SYT12: variants seen among roughly 807,000 people sequenced by gnomAD.
SYT12 encodes the protein synaptotagmin 12.
Under a neutral mutation model 39.5 loss-of-function variants are expected in SYT12, and 27 were observed. The observed-to-expected ratio is 0.68, with a 90% CI of 0.50 to 0.94. SYT12 has a LOEUF of 0.94. Ranked by LOEUF, SYT12 falls within the 40% of genes least tolerant of loss-of-function variation. SYT12 has a pLI of 0.00. For synonymous variants in SYT12, 233 were observed against 239.7 expected (o/e 0.97, Z 0.26); for missense variants, 536 against 572.6 (o/e 0.94, Z 0.65).
intron 3 of SYT12, among the ~76,000 whole-genome samples, chr11:67,013,282 A>G (rs958465969): frequency 2.0e-5 from 3 of 151,994 alleles, no homozygotes; most frequent in African/African-American, 7.2e-5. Context: ...ACTCGGGGTC[A>G]TTTTCACTGT....
intron 3 of SYT12, among the ~76,000 whole-genome samples, chr11:67,037,962 G>A (rs1045700405): frequency 3.3e-5 from 5 of 150,942 alleles, no homozygotes; most frequent in Non-Finnish European, 5.9e-5. Flanking sequence ...GAGTGAGGGG[G>A]GAGGATCGCT....
chr11:67,033,617 C>T (rs942244782), intron 2 of SYT12, among the ~76,000 whole-genome samples: 7 of 152,234 alleles, frequency 4.6e-5, no homozygotes, highest in Admixed American at 2.6e-4. Flanking sequence ...AGCACCACCC[C>T]TTCTGGGCTC....
At chr11:67,043,489 C>T (rs1042085906) in intron 4 of SYT12, 149 bp from the exon 5 acceptor site, 1 of 748,224 alleles carries the variant, frequency 1.3e-6, no homozygotes, top group Non-Finnish European at 2.2e-6. Context: ...ACCTTCAAGG[C>T]TGAGCCACCA....
In SYT12 at chr11:67,048,902, G is replaced by C. The variant is rs1212709083; in HGVS notation, c.*145G>C. ...CCTCATGACCCATCCTGGTCTCTCTGTCCAGATTGCAGCAGAGGAGTGGGC... is the reference window on the plus strand; with the variant it reads ...CCTCATGACCCATCCTGGTCTCTCTCTCCAGATTGCAGCAGAGGAGTGGGC... On this transcript the variant is annotated 3_prime_UTR_variant, in exon 8 of 8. Coordinates refer to ENST00000527043, the MANE Select transcript of SYT12 (RefSeq NM_177963.4). 4.2e-6 allele frequency: 4 copies of C among 958,524 alleles called. No individual in the cohort carries two copies. In the East Asian group the frequency reaches 1.1e-4, roughly 26 times the overall value. 59.4% of individuals were successfully genotyped at this position (958,524 alleles called of 1,614,324 possible). A position where few individuals can be genotyped will look rare whatever the true frequency, so the allele number is the denominator to read the frequency against.
At chr11:67,042,949 T>C (rs544908605) in intron 4 of SYT12, among the ~76,000 whole-genome samples, 1 of 152,256 alleles carries the variant, frequency 6.6e-6, no homozygotes, top group African/African-American at 2.4e-5. Flanking sequence ...CAGGGGGTGC[T>C]GCCCCCAGGC....
chr11:67,032,905 CAA>C (rs562451881), intron 2 of SYT12: 21 of 67,198 alleles, frequency 3.1e-4, no homozygotes, highest in East Asian at 4.2e-4. Flanking sequence ...AACTCCATCT[CAA>C]AAAAAAAAAA....
Position 67,043,718 on chromosome 11 carries a change from C to T in SYT12, c.702C>T (p.Ser234=), listed in dbSNP as rs771250345. Residue 234 remains serine (S), a synonymous_variant, in exon 5 of 8, where the codon AGC becomes AGT. Coordinates refer to ENST00000527043, the MANE Select transcript of SYT12 (RefSeq NM_177963.4). ...ATCCCACAGCCCTGGAGGAGAAGAG[C>T]CTGCGGTTTTCTGTATTTGGCATCG... is the stretch of plus-strand genomic sequence containing the variant. ...PLDPTALEEK[S]LRFSVFGIDE... is the part of the protein sequence containing the mutation. 1 of 1,614,098 alleles carries T rather than the reference C, an allele frequency of 6.2e-7. No homozygotes were observed. The highest frequency in any genetic ancestry group is 1.1e-5 in the South Asian group (1 of 91,078).
chr11:67,044,135 T>G (rs1344155733), intron 5 of SYT12, among the ~76,000 whole-genome samples: 1 of 152,166 alleles, frequency 6.6e-6, no homozygotes, highest in Non-Finnish European at 1.5e-5. Context: ...CCTCTAGCCT[T>G]AGAGGGGATG....
At chr11:67,017,671 T>G (rs994448559) in intron 3 of SYT12, among the ~76,000 whole-genome samples, 1 of 148,080 alleles carries the variant, frequency 6.8e-6, no homozygotes, top group Non-Finnish European at 1.5e-5. Flanking sequence ...CAACAAAAAA[T>G]TTTAAAGGCC....
upstream of SYT12, among the ~76,000 whole-genome samples, chr11:67,020,960 C>G (rs182251985): frequency 6.6e-6 from 1 of 152,304 alleles, no homozygotes; most frequent in Non-Finnish European, 1.5e-5. Context: ...AACTCCTGAG[C>G]TCAGGCAATC....
chr11:67,022,287 G>A (rs905088286), upstream of SYT12, among the ~76,000 whole-genome samples: 2 of 151,676 alleles, frequency 1.3e-5, no homozygotes, highest in African/African-American at 4.9e-5. Context: ...AGGAAGCACT[G>A]CCACCCTTGC....
Position 67,048,619 on chromosome 11 carries a change from C to T in SYT12, c.1128C>T (p.Ser376=), listed in dbSNP as rs779195457. ...LSLRVTVAES[S]SDGRGDNVGH... ...TCCGCGTGACGGTGGCTGAGAGCAG[C>T]AGCGACGGCCGTGGGGACAACGTGG... Residue 376 remains serine (S), a synonymous_variant, in exon 8 of 8, where the codon AGC becomes AGT. Transcript: ENST00000527043. 6 of 1,607,700 alleles carry T rather than the reference C, an allele frequency of 3.7e-6. No individual in the cohort carries two copies. The highest frequency in any genetic ancestry group is 5.1e-6 in the Non-Finnish European group (6 of 1,175,104).
chr11:67,017,581 C>T (rs530887222), intron 3 of SYT12, among the ~76,000 whole-genome samples: 79 of 148,330 alleles, frequency 5.3e-4, no homozygotes, highest in African/African-American at 1.9e-3. Flanking sequence ...AGGCTGGTCT[C>T]GAACTCCTGA....
In SYT12 at chr11:67,023,450, G is replaced by C. The variant is rs1950137923; in HGVS notation, c.-34G>C. ...GCCCAGCCGGAGCGGCGGCCCCTCC[G>C]CGGAGCCCGGGTGAGTACGCACCCC... On this transcript the variant is annotated 5_prime_UTR_variant, in exon 1 of 8. Coordinates refer to ENST00000527043, the MANE Select transcript of SYT12 (RefSeq NM_177963.4). 2 of 151,116 alleles carry C rather than the reference G, an allele frequency of 1.3e-5. No homozygotes were observed. Among genetic ancestry groups the C allele is most frequent in the Non-Finnish European group, 3.0e-5 (2 of 67,556 alleles). 9.4% of individuals were successfully genotyped at this position (151,116 alleles called of 1,614,324 possible). A position where few individuals can be genotyped will look rare whatever the true frequency, so the allele number is the denominator to read the frequency against.
intron 3 of SYT12, among the ~76,000 whole-genome samples, chr11:67,011,640 G>A (rs367596023): frequency 5.9e-5 from 9 of 152,276 alleles, no homozygotes; most frequent in East Asian, 3.9e-4. Flanking sequence ...CTATGAAAAC[G>A]CTTCCACAGA....
At chr11:67,017,345 G>C (rs1009392663) in intron 3 of SYT12, among the ~76,000 whole-genome samples, 1 of 150,642 alleles carries the variant, frequency 6.6e-6, no homozygotes, top group East Asian at 2.0e-4. Flanking sequence ...AACATAGGGA[G>C]ACCCCATTTC....
chr11:67,046,004 G>A, intron 7 of SYT12, 127 bp downstream of exon 7: 1 of 1,298,378 alleles, frequency 7.7e-7, no homozygotes, highest in Non-Finnish European at 1.1e-6. Context: ...TCACTTTCTA[G>A]CAGTTATTGA....
chr11:67,013,835 T>G (rs914697346), intron 3 of SYT12, among the ~76,000 whole-genome samples: 6 of 152,206 alleles, frequency 3.9e-5, no homozygotes, highest in Admixed American at 6.5e-5. Context: ...AACCAGAAAT[T>G]AATTCTCTCA....
intron 3 of SYT12, among the ~76,000 whole-genome samples, chr11:67,011,719 C>G (rs989650708): frequency 3.3e-5 from 5 of 152,030 alleles, no homozygotes; most frequent in Non-Finnish European, 1.5e-5. Flanking sequence ...CTGGCTGATG[C>G]CTGATCATCC....
Sources: allele counts gnomAD v4.1 joint callset (sites outside exome capture counted in the v4.1 genomes callset), GRCh38; gene constraint gnomAD v4.1.1; transcripts MANE v1.5; gene names NCBI Gene and HGNC (gene_info 2026-07-23, HGNC 2026-07-21).